PTPRD: variants seen among roughly 807,000 people sequenced by gnomAD.
The protein encoded by PTPRD is protein tyrosine phosphatase receptor type D, also known as receptor-type tyrosine-protein phosphatase delta.
In PTPRD, 34 loss-of-function variants were observed where a neutral mutation model predicts 214.5. The ratio of observed to expected loss-of-function variants is 0.16; its 90% CI spans 0.12 to 0.21. The LOEUF (loss-of-function observed/expected upper bound fraction) is 0.21. Among genes scored for constraint, PTPRD ranks in the 10% least tolerant of loss-of-function variants. The probability of loss-of-function intolerance (pLI) is 1.00; values close to 1 mark genes in which losing one functional copy is unlikely to be tolerated. For synonymous variants in PTPRD, 1,128 were observed against 845.7 expected (o/e 1.33, Z -5.79); for missense variants, 2,545 against 2,398.7 (o/e 1.06, Z -1.27).
At chr9:8,836,072 A>G (rs953615324) in intron 11 of PTPRD, among the ~76,000 whole-genome samples, 3 of 152,168 alleles carry the variant, frequency 2.0e-5, no homozygotes, top group Admixed American at 6.5e-5. Flanking sequence ...TAAATTTCAG[A>G]GCAACATCGT....
intron 11 of PTPRD, among the ~76,000 whole-genome samples, chr9:8,845,485 G>C (rs1209663800): frequency 6.6e-6 from 1 of 152,224 alleles, no homozygotes; most frequent in Non-Finnish European, 1.5e-5. Context: ...TCTAACAATA[G>C]GAAATACAAG....
At chr9:9,795,123 ATG>A (rs1301060621) in intron 5 of PTPRD, among the ~76,000 whole-genome samples, 2 of 152,196 alleles carry the variant, frequency 1.3e-5, no homozygotes, top group African/African-American at 4.8e-5. Context: ...TACTTTAACT[ATG>A]TATAGTTAAG....
intron 39 of PTPRD, among the ~76,000 whole-genome samples, chr9:8,354,800 G>A (rs2076551113): frequency 6.6e-6 from 1 of 152,140 alleles, no homozygotes; most frequent in Admixed American, 6.5e-5. Context: ...TTTCCTTGGA[G>A]CTCCCCAGAT....
intron 3 of PTPRD, among the ~76,000 whole-genome samples, chr9:10,272,535 T>C (rs1184445261): frequency 1.3e-5 from 2 of 152,212 alleles, no homozygotes; most frequent in African/African-American, 4.8e-5. Context: ...TGTATCCTAT[T>C]TTCTTCATGT....
chr9:8,522,589 T>C (rs2097913131), intron 19 of PTPRD, among the ~76,000 whole-genome samples: 1 of 152,166 alleles, frequency 6.6e-6, no homozygotes, highest in South Asian at 2.1e-4. Context: ...GGACATGACA[T>C]TAAGAGAAGA....
At chr9:9,378,862 A>G (rs560320866) in intron 9 of PTPRD, among the ~76,000 whole-genome samples, 1 of 151,470 alleles carries the variant, frequency 6.6e-6, no homozygotes, top group Non-Finnish European at 1.5e-5. Flanking sequence ...ATTTTTTCCT[A>G]TTGTTGATTT....
At chr9:9,826,343 A>G (rs1316090473) in intron 5 of PTPRD, among the ~76,000 whole-genome samples, 1 of 151,772 alleles carries the variant, frequency 6.6e-6, no homozygotes, top group Non-Finnish European at 1.5e-5. Context: ...ATTTTCTAAT[A>G]CTGATTAATG....
intron 7 of PTPRD, among the ~76,000 whole-genome samples, chr9:9,665,273 G>A (rs1364559097): frequency 6.6e-6 from 1 of 151,612 alleles, no homozygotes; most frequent in African/African-American, 2.4e-5. Flanking sequence ...GATGTAAATA[G>A]AAACACGGCA....
chr9:9,019,230 G>C (rs141284639), intron 10 of PTPRD, among the ~76,000 whole-genome samples: 30 of 149,150 alleles, frequency 2.0e-4, no homozygotes, highest in Admixed American at 3.4e-4. Flanking sequence ...TAGAAAGACA[G>C]AATCTACCAG....
intron 2 of PTPRD, among the ~76,000 whole-genome samples, chr9:10,386,214 G>A (rs1228920022): frequency 6.6e-6 from 1 of 151,782 alleles, no homozygotes; most frequent in Non-Finnish European, 1.5e-5. Flanking sequence ...ATGGCAGGTG[G>A]AAGAACCACC....
chr9:10,094,528 TTTC>T (rs1370922173), intron 3 of PTPRD, among the ~76,000 whole-genome samples: 17 of 120,198 alleles, frequency 1.4e-4, no homozygotes, highest in Admixed American at 2.7e-4. Flanking sequence ...TGGTTTTTTT[TTTC>T]TTTCTTTCTT....
intron 10 of PTPRD, among the ~76,000 whole-genome samples, chr9:9,118,570 C>A (rs961936652): frequency 6.6e-6 from 1 of 152,118 alleles, no homozygotes; most frequent in Admixed American, 6.6e-5. Flanking sequence ...AGACTGGAAT[C>A]TTCCAGCATT....
chr9:8,552,449 C>T (rs1933386485), intron 14 of PTPRD, among the ~76,000 whole-genome samples: 1 of 152,082 alleles, frequency 6.6e-6, no homozygotes, highest in South Asian at 2.1e-4. Context: ...ATAAAGAAGC[C>T]TCAGTGAGGT....
intron 9 of PTPRD, among the ~76,000 whole-genome samples, chr9:9,233,902 T>C (rs941347040): frequency 1.3e-5 from 2 of 152,182 alleles, no homozygotes; most frequent in Non-Finnish European, 2.9e-5. Context: ...TGGGCTGGCA[T>C]TGAATGTCTA....
At chr9:8,874,382 C>T (rs569500553) in intron 11 of PTPRD, among the ~76,000 whole-genome samples, 15 of 152,196 alleles carry the variant, frequency 9.9e-5, no homozygotes, top group Middle Eastern at 3.4e-3. Flanking sequence ...AATTTCCCAA[C>T]GTGGGTATCA....
At chr9:9,660,967 G>A (rs1277691275) in intron 7 of PTPRD, among the ~76,000 whole-genome samples, 1 of 151,934 alleles carries the variant, frequency 6.6e-6, no homozygotes, top group Non-Finnish European at 1.5e-5. Context: ...GAAGATGTTA[G>A]GCAGCTTCAT....
intron 5 of PTPRD, among the ~76,000 whole-genome samples, chr9:9,928,020 C>T (rs1432361532): frequency 6.6e-6 from 1 of 152,084 alleles, no homozygotes; most frequent in Non-Finnish European, 1.5e-5. Flanking sequence ...TCTTAAATGA[C>T]TAATGAACTC....
chr9:10,574,780 T>A (rs1464499079), intron 2 of PTPRD, among the ~76,000 whole-genome samples: 1 of 138,644 alleles, frequency 7.2e-6, no homozygotes, highest in Non-Finnish European at 1.6e-5. Flanking sequence ...TGTGTGTATA[T>A]ATATACACAC....
At chr9:9,109,644 G>C (rs1054469780) in intron 10 of PTPRD, among the ~76,000 whole-genome samples, 7 of 152,146 alleles carry the variant, frequency 4.6e-5, no homozygotes, top group African/African-American at 1.7e-4. Context: ...TGGAGGTCTA[G>C]GAGATGGCCC....
Sources: gnomAD v4.1 joint callset for allele counts (sites outside exome capture counted in the v4.1 genomes callset) on GRCh38, gnomAD v4.1.1 for gene constraint, MANE v1.5 for transcripts, NCBI Gene and HGNC (gene_info 2026-07-23, HGNC 2026-07-21) for gene names.